SPRED1: variants seen among roughly 807,000 people sequenced by gnomAD.
SPRED1 encodes sprouty related EVH1 domain containing 1, also known as sprouty-related, EVH1 domain-containing protein 1.
Under a neutral mutation model 52.3 loss-of-function variants are expected in SPRED1, and 18 were observed. The ratio of observed to expected loss-of-function variants is 0.34; its 90% CI spans 0.24 to 0.51. SPRED1 has a LOEUF of 0.51. SPRED1 is among the 20% of genes least tolerant of loss of function. The pLI, the probability that SPRED1 is intolerant of heterozygous loss-of-function variation, is 0.97. For synonymous variants in SPRED1, 155 were observed against 179.7 expected (o/e 0.86, Z 1.10); for missense variants, 485 against 551.0 (o/e 0.88, Z 1.20).
chr15:38,333,903 C>G (rs931737693), intron 4 of SPRED1, among the ~76,000 whole-genome samples: 1 of 152,018 alleles, frequency 6.6e-6, no homozygotes, highest in African/African-American at 2.4e-5. Context: ...CAGACTCTGC[C>G]GCCTAGTAAC....
intron 2 of SPRED1, among the ~76,000 whole-genome samples, chr15:38,305,145 A>G (rs1201801765): frequency 6.6e-6 from 1 of 152,022 alleles, no homozygotes; most frequent in South Asian, 2.1e-4. Flanking sequence ...CCTGGCCAAC[A>G]TGGTGAAACC....
rs1331224212 is a variant in SPRED1, at chr15:38,352,303, TTAA to T, written c.*644_*646del. 6.6e-6 allele frequency: 1 copy of T among 152,476 alleles called. No homozygotes were observed. The highest frequency in any genetic ancestry group is 1.5e-5 in the Non-Finnish European group (1 of 68,022). 9.4% of individuals were successfully genotyped at this position (152,476 alleles called of 1,614,324 possible). ...TATTTTGAATATTTAACTCATCTAG[TTAA>T]TAATGTTTTTATTCCATGCGAATGA... On this transcript the variant is annotated 3_prime_UTR_variant, in exon 7 of 7. Transcript: ENST00000299084.
intron 1 of SPRED1, among the ~76,000 whole-genome samples, chr15:38,257,660 TGTCTTTTTTGGC>T (rs1894127074): frequency 6.6e-6 from 1 of 152,222 alleles, no homozygotes; most frequent in Admixed American, 6.5e-5. Context: ...TTTGTGTGTC[TGTCTTTTTTGGC>T]ATAGGAAGCT....
At chr15:38,313,379 T>C (rs1218067148) in intron 2 of SPRED1, among the ~76,000 whole-genome samples, 1 of 152,010 alleles carries the variant, frequency 6.6e-6, no homozygotes, top group Non-Finnish European at 1.5e-5. Context: ...AGTTATTTTA[T>C]AGAATGTTTC....
At chr15:38,258,312 G>A (rs1894142188) in intron 1 of SPRED1, among the ~76,000 whole-genome samples, 2 of 152,154 alleles carry the variant, frequency 1.3e-5, no homozygotes, top group South Asian at 4.1e-4. Context: ...GAATTGCACA[G>A]TGGGTACAAT....
In SPRED1 at chr15:38,252,985, G is replaced by A. The variant is rs770231868; in HGVS notation, c.-201G>A. 7.6e-4 allele frequency: 459 copies of A among 605,082 alleles called. No homozygotes were observed. The highest frequency in any genetic ancestry group is 1.1e-3 in the Non-Finnish European group (377 of 341,284). 37.5% of individuals were successfully genotyped at this position (605,082 alleles called of 1,614,324 possible). A position where few individuals can be genotyped will look rare whatever the true frequency, so the allele number is the denominator to read the frequency against. On this transcript the variant is annotated 5_prime_UTR_variant, in exon 1 of 7. Transcript: ENST00000299084. ...TGGGGTCGCCACGGCGGAGGTTGCT[G>A]CCGCCACCCCCCTGCGGGGGTGGCC...
chr15:38,323,051 A>G (rs1895636778), intron 3 of SPRED1, among the ~76,000 whole-genome samples: 1 of 152,176 alleles, frequency 6.6e-6, no homozygotes, highest in Non-Finnish European at 1.5e-5. Flanking sequence ...AGGAAGAACT[A>G]AGACTTGATT....
At chr15:38,284,711 C>G (rs1014982595) in intron 1 of SPRED1, among the ~76,000 whole-genome samples, 1 of 152,096 alleles carries the variant, frequency 6.6e-6, no homozygotes, top group Non-Finnish European at 1.5e-5. Context: ...TTTTACTTCA[C>G]TATTCCTTGA....
At chr15:38,314,768 T>C (rs966621101) in intron 2 of SPRED1, among the ~76,000 whole-genome samples, 1 of 151,918 alleles carries the variant, frequency 6.6e-6, no homozygotes, top group African/African-American at 2.4e-5. Context: ...TATTTAGTCA[T>C]ACAAAAATAA....
Position 38,336,380 on chromosome 15 carries a change from ATGTG to A in SPRED1, c.424-3333_424-3330del, listed in dbSNP as rs35912838. 3.4e-4 allele frequency among the ~76,000 whole-genome samples: 46 copies of A among 134,300 alleles called. No homozygotes were observed. In the South Asian group the frequency reaches 8.3e-3, roughly 24 times the overall value. 88.1% of individuals were successfully genotyped at this position (134,300 alleles called of 152,430 possible). ...ATCAATCAATGAGTGGATAAAGAAAATGTGTGTGTGTGTGTGTGTGTGTGTGTAT... is the reference window on the plus strand; with the variant it reads ...ATCAATCAATGAGTGGATAAAGAAAATGTGTGTGTGTGTGTGTGTGTGTAT... On this transcript the variant is annotated intron_variant, in intron 4 of 6. Transcript: ENST00000299084.
At chr15:38,261,868 C>T (rs962431703) in intron 1 of SPRED1, among the ~76,000 whole-genome samples, 11 of 152,184 alleles carry the variant, frequency 7.2e-5, no homozygotes, top group Admixed American at 3.3e-4. Flanking sequence ...ATTAGCATCC[C>T]GTGGCAGGAT....
At chr15:38,283,682 C>A in intron 1 of SPRED1, 1 of 192,476 alleles carries the variant, frequency 5.2e-6, no homozygotes, top group Non-Finnish European at 9.5e-6. Context: ...CCAGTCACAG[C>A]AGAACTAGAA....
At chr15:38,330,910 C>T (rs910076368) in intron 4 of SPRED1, among the ~76,000 whole-genome samples, 3 of 151,954 alleles carry the variant, frequency 2.0e-5, no homozygotes, top group African/African-American at 7.2e-5. Context: ...TAAATTTTCT[C>T]TAAGAACTAG....
chr15:38,296,952 G>C (rs1290548530), intron 1 of SPRED1, among the ~76,000 whole-genome samples: 1 of 152,010 alleles, frequency 6.6e-6, no homozygotes, highest in African/African-American at 2.4e-5. Flanking sequence ...ATCGCTTTTT[G>C]GCTGTCCACC....
At chr15:38,308,267 C>A (rs148734025) in intron 2 of SPRED1, among the ~76,000 whole-genome samples, 4 of 152,202 alleles carry the variant, frequency 2.6e-5, no homozygotes, top group Non-Finnish European at 5.9e-5. Flanking sequence ...TACACTCTAA[C>A]CTGTTTTCCC....
At chr15:38,318,299 G>A (rs539021506) in intron 2 of SPRED1, among the ~76,000 whole-genome samples, 2 of 152,124 alleles carry the variant, frequency 1.3e-5, no homozygotes, top group Non-Finnish European at 2.9e-5. Context: ...GTATGTTTTT[G>A]TACTGGTTGG....
chr15:38,331,636 G>A (rs1440092877), intron 4 of SPRED1, among the ~76,000 whole-genome samples: 2 of 151,940 alleles, frequency 1.3e-5, no homozygotes, highest in Non-Finnish European at 2.9e-5. Context: ...TTTTTTACTA[G>A]GGTAGGTATA....
At chr15:38,339,091 G>C (rs959895065) in intron 4 of SPRED1, among the ~76,000 whole-genome samples, 4 of 151,896 alleles carry the variant, frequency 2.6e-5, no homozygotes, top group Non-Finnish European at 5.9e-5. Flanking sequence ...CCAGGACTTT[G>C]TGTTTTGTAG....
chr15:38,294,851 A>G (rs1203642218), intron 1 of SPRED1, among the ~76,000 whole-genome samples: 2 of 152,200 alleles, frequency 1.3e-5, no homozygotes, highest in African/African-American at 2.4e-5. Context: ...GCTATGTACT[A>G]TCTCCCCTGA....
Sources: allele counts gnomAD v4.1 joint callset (sites outside exome capture counted in the v4.1 genomes callset), GRCh38; gene constraint gnomAD v4.1.1; transcripts MANE v1.5; gene names NCBI Gene and HGNC (gene_info 2026-07-23, HGNC 2026-07-21).